The following SPATA17 variants were observed in gnomAD, a reference collection of about 807,000 sequenced individuals.
SPATA17 encodes the protein spermatogenesis-associated protein 17.
SPATA17 carries 53 observed loss-of-function variants against 62.2 expected under a neutral mutation model. That is an observed-to-expected ratio of 0.85 (90% CI 0.68 to 1.07). The LOEUF is 1.07. Among genes scored for constraint, SPATA17 ranks in the 50% least tolerant of loss-of-function variants. The pLI, the probability that SPATA17 is intolerant of heterozygous loss-of-function variation, is 0.00. For missense variants in SPATA17, 466 were observed against 425.5 expected, an observed-to-expected ratio of 1.10 and a Z score of -0.84; for synonymous variants, 146 against 146.8, an observed-to-expected ratio of 0.99 and a Z score of 0.04.
In SPATA17 at chr1:217,684,706, G is replaced by T. The variant is rs531152330; in HGVS notation, c.395+1345G>T. ...GTTGGGATTACAGGCATGAGCCACT[G>T]CGCCCAGCCCCTTATTTTACTCTTT... is the stretch of plus-strand genomic sequence containing the variant. On this transcript the variant is annotated intron_variant, in intron 5 of 10. Coordinates refer to ENST00000366933, the MANE Select transcript of SPATA17 (RefSeq NM_138796.4). 4.6e-4 allele frequency among the ~76,000 whole-genome samples: 70 copies of T among 152,250 alleles called. No individual in the cohort carries two copies. In the South Asian group the frequency reaches 8.7e-3, roughly 19 times the overall value.
intron 9 of SPATA17, among the ~76,000 whole-genome samples, chr1:217,857,474 G>A (rs1187184760): frequency 6.6e-6 from 1 of 152,176 alleles, no homozygotes; most frequent in Admixed American, 6.5e-5. Context: ...GCTTTGGCAA[G>A]CAAGGGCTAT....
At chr1:217,650,872 G>T (rs1176581712) in intron 2 of SPATA17, among the ~76,000 whole-genome samples, 1 of 152,184 alleles carries the variant, frequency 6.6e-6, no homozygotes, top group Non-Finnish European at 1.5e-5. Context: ...ATTAAGTATT[G>T]TGTAATAATA....
intron 5 of SPATA17, among the ~76,000 whole-genome samples, chr1:217,702,245 T>G (rs1298718788): frequency 6.6e-6 from 1 of 152,196 alleles, no homozygotes; most frequent in Non-Finnish European, 1.5e-5. Flanking sequence ...TTGCCATATT[T>G]TATTGATTAC....
chr1:217,676,166 A>G (rs1344195206), intron 4 of SPATA17, among the ~76,000 whole-genome samples: 1 of 152,108 alleles, frequency 6.6e-6, no homozygotes, highest in East Asian at 1.9e-4. Context: ...GAAAAACCTC[A>G]CCATCTAAAA....
At chr1:217,697,251 G>A (rs1435584602) in intron 5 of SPATA17, among the ~76,000 whole-genome samples, 2 of 152,180 alleles carry the variant, frequency 1.3e-5, no homozygotes, top group Non-Finnish European at 2.9e-5. Flanking sequence ...AAAGTGCTGG[G>A]ATTATAGGCG....
intron 5 of SPATA17, among the ~76,000 whole-genome samples, chr1:217,698,438 C>G (rs557535160): frequency 6.6e-6 from 1 of 151,354 alleles, no homozygotes; most frequent in Admixed American, 6.6e-5. Flanking sequence ...CATCCCCCTC[C>G]CACCAAAAAA....
chr1:217,786,103 A>G (rs1328017669), intron 8 of SPATA17, among the ~76,000 whole-genome samples: 2 of 152,178 alleles, frequency 1.3e-5, no homozygotes. Flanking sequence ...GATTCAACAG[A>G]TGTTTACATG....
intron 9 of SPATA17, among the ~76,000 whole-genome samples, chr1:217,835,961 C>T (rs916678651): frequency 2.2e-4 from 33 of 152,198 alleles, no homozygotes; most frequent in African/African-American, 7.9e-4. Context: ...CGATTCAGCT[C>T]ACTGGAGGAT....
intron 5 of SPATA17, among the ~76,000 whole-genome samples, chr1:217,720,601 T>A (rs1248837999): frequency 6.6e-6 from 1 of 152,144 alleles, no homozygotes; most frequent in African/African-American, 2.4e-5. Context: ...GAGTCTTACC[T>A]GGGCAATATC....
chr1:217,804,398 T>C (rs889799187), intron 9 of SPATA17, among the ~76,000 whole-genome samples: 70 of 152,240 alleles, frequency 4.6e-4, no homozygotes, highest in African/African-American at 1.6e-3. Flanking sequence ...TATGCAAATA[T>C]CAACTAAAAC....
chr1:217,772,541 AG>A (rs745449249), intron 6 of SPATA17, among the ~76,000 whole-genome samples: 6 of 152,230 alleles, frequency 3.9e-5, no homozygotes, highest in African/African-American at 1.2e-4. Flanking sequence ...GTTAAAAAAA[AG>A]AAAAATGGTA....
intron 5 of SPATA17, among the ~76,000 whole-genome samples, 199 bp from the exon 6 acceptor site, chr1:217,741,776 T>G (rs1223171687): frequency 6.6e-6 from 1 of 152,182 alleles, no homozygotes; most frequent in Non-Finnish European, 1.5e-5. Context: ...TCTCAAAAAC[T>G]TAATCACTGA....
chr1:217,727,183 G>A (rs1672280974), intron 5 of SPATA17, among the ~76,000 whole-genome samples: 1 of 151,552 alleles, frequency 6.6e-6, no homozygotes, highest in South Asian at 2.1e-4. Flanking sequence ...GGAGGCGGAG[G>A]TTGCCGTCAG....
At chr1:217,686,822 C>T (rs1274915265) in intron 5 of SPATA17, among the ~76,000 whole-genome samples, 3 of 152,138 alleles carry the variant, frequency 2.0e-5, no homozygotes, top group Admixed American at 6.6e-5. Context: ...TGGGTTCAAG[C>T]GATTCTCCTG....
intron 9 of SPATA17, among the ~76,000 whole-genome samples, chr1:217,822,526 C>A (rs1222000558): frequency 1.3e-5 from 2 of 150,500 alleles, no homozygotes; most frequent in South Asian, 2.1e-4. Flanking sequence ...TGTCTTTCAC[C>A]AAACTGGAAA....
At chr1:217,850,175 A>G (rs1186997195) in intron 9 of SPATA17, among the ~76,000 whole-genome samples, 1 of 152,204 alleles carries the variant, frequency 6.6e-6, no homozygotes, top group Non-Finnish European at 1.5e-5. Context: ...ATAATTTCAA[A>G]GTACAGTCGT....
intron 9 of SPATA17, among the ~76,000 whole-genome samples, chr1:217,824,993 A>G (rs1376353795): frequency 6.6e-6 from 1 of 150,850 alleles, no homozygotes; most frequent in African/African-American, 2.4e-5. Context: ...TCAAATATAA[A>G]TACATTTATA....
At chr1:217,667,763 A>T (rs1441414116) in intron 3 of SPATA17, among the ~76,000 whole-genome samples, 1 of 152,238 alleles carries the variant, frequency 6.6e-6, no homozygotes, top group African/African-American at 2.4e-5. Context: ...GTCTGCTTCA[A>T]TATGATGTCA....
rs570854673 is a variant in SPATA17, at chr1:217,768,510, A to G, written c.520-5824A>G. Among the ~76,000 whole-genome samples, 5 of 139,888 alleles carry G rather than the reference A, an allele frequency of 3.6e-5. No homozygotes were observed. In the South Asian group the frequency reaches 1.1e-3, roughly 31 times the overall value. The allele number at this position is 139,888 out of a possible 152,430, so 91.8% of individuals were successfully genotyped here. The stretch of plus-strand genomic sequence containing the variant: ...CTCTACCCATCTTTTTTTTTTTTTT[A>G]AGACGGAATTTCACACTGTCACCTG... On this transcript the variant is annotated intron_variant, in intron 6 of 10. Coordinates refer to ENST00000366933, the MANE Select transcript of SPATA17 (RefSeq NM_138796.4).
Sources: allele counts gnomAD v4.1 joint callset (sites outside exome capture counted in the v4.1 genomes callset), GRCh38; gene constraint gnomAD v4.1.1; transcripts MANE v1.5; gene names NCBI Gene and HGNC (gene_info 2026-07-23, HGNC 2026-07-21).